EFR3A: variants seen among roughly 807,000 people sequenced by gnomAD.
EFR3A encodes the protein protein EFR3 homolog A.
EFR3A carries 76 observed loss-of-function variants against 104.4 expected under a neutral mutation model. The ratio of observed to expected loss-of-function variants is 0.73; its 90% confidence interval spans 0.60 to 0.88. The LOEUF (loss-of-function observed/expected upper bound fraction) is 0.88, where lower values mean the gene tolerates loss of function less well. Among genes scored for constraint, EFR3A ranks in the 40% least tolerant of loss-of-function variants. The pLI is 0.00. For missense variants in EFR3A, 985 were observed against 1,012.5 expected (o/e 0.97, Z 0.37); for synonymous variants, 330 against 330.0 (o/e 1.00, Z 0.00).
intron 6 of EFR3A, among the ~76,000 whole-genome samples, chr8:131,954,449 C>T (rs1342981889): frequency 6.6e-6 from 1 of 151,564 alleles, no homozygotes; most frequent in African/African-American, 2.4e-5. Flanking sequence ...TTGATTTGTC[C>T]TAAGATGTTT....
chr8:131,938,727 T>C (rs1818024176), intron 1 of EFR3A, among the ~76,000 whole-genome samples: 1 of 152,126 alleles, frequency 6.6e-6, no homozygotes, highest in Non-Finnish European at 1.5e-5. Flanking sequence ...TTGAGTTTAG[T>C]GTGGCAGTTA....
At chr8:131,986,106 T>C (rs1820863129) in intron 16 of EFR3A, 88 bp from the exon 17 acceptor site, 2 of 563,936 alleles carry the variant, frequency 3.5e-6, no homozygotes, top group South Asian at 6.8e-5. Flanking sequence ...TTAAAGTTGT[T>C]TTTTTTTAAG....
rs138864629 is a variant in EFR3A at position 131,980,427 on chromosome 8, G to A, written c.1575+1006G>A. Among the ~76,000 whole-genome samples, 1,341 of 152,022 alleles carry A rather than the reference G, an allele frequency of 8.8e-3. 11 individuals carry two copies. The highest frequency in any genetic ancestry group is 0.014 in the Middle Eastern group (4 of 292). ...TATCAAAAAACTGGTTAATAAATAG[G>A]ACAGATACATTAATTCCTCTCAATT... On this transcript the variant is annotated intron_variant, in intron 14 of 22. Coordinates refer to ENST00000254624, the MANE Select transcript of EFR3A (RefSeq NM_015137.6).
chr8:131,981,044 T>TAC lies in EFR3A; in HGVS notation c.1575+1630_1575+1631dup, dbSNP rs796768406. Among the ~76,000 whole-genome samples, 543 of 60,198 alleles carry TAC rather than the reference T, an allele frequency of 9.0e-3. 2 individuals carry two copies. Among genetic ancestry groups the TAC allele is most frequent in the Non-Finnish European group, 0.013 (401 of 29,774 alleles). The allele number at this position is 60,198 out of a possible 152,430, so 39.5% of individuals were successfully genotyped here. On this transcript the variant is annotated intron_variant, in intron 14 of 22. Coordinates refer to ENST00000254624, the MANE Select transcript of EFR3A (RefSeq NM_015137.6). ...TTTTATATATATATATATATATATA[T>TAC]ACACACACTACATTTTCTTTATCCA...
intron 14 of EFR3A, 38 bp from the exon 15 acceptor site, chr8:131,984,101 A>G: frequency 6.5e-7 from 1 of 1,548,394 alleles, no homozygotes; most frequent in Non-Finnish European, 8.7e-7. Flanking sequence ...TCTACATTTT[A>G]AGCAAAATTA....
At chr8:131,960,936 T>C (rs1819283284) in intron 8 of EFR3A, among the ~76,000 whole-genome samples, 1 of 152,164 alleles carries the variant, frequency 6.6e-6, no homozygotes, top group African/African-American at 2.4e-5. Flanking sequence ...CCGCTGCTGA[T>C]ACCCAGGCAA....
chr8:131,932,384 G>C (rs1344762432), intron 1 of EFR3A, among the ~76,000 whole-genome samples: 1 of 152,052 alleles, frequency 6.6e-6, no homozygotes, highest in Non-Finnish European at 1.5e-5. Flanking sequence ...AACAAAAGCA[G>C]TTTTCAAAAA....
intron 12 of EFR3A, among the ~76,000 whole-genome samples, chr8:131,977,391 C>T (rs1007976875): frequency 1.2e-4 from 19 of 152,202 alleles, no homozygotes; most frequent in South Asian, 4.1e-4. Flanking sequence ...ATAAGGTCCA[C>T]CAAAGTCACT....
chr8:131,940,555 A>T lies in EFR3A; in HGVS notation c.67A>T (p.Ile23Leu), dbSNP rs1481617198. 1 of 1,609,148 alleles carries T rather than the reference A, an allele frequency of 6.2e-7. No homozygotes were observed. Among genetic ancestry groups the T allele is most frequent in the Non-Finnish European group, 8.5e-7 (1 of 1,177,854 alleles). ...RPRYKRLVDN[I>L]FPEDPKDGLV... is the part of the protein sequence containing the mutation. ...TCGCTACAAACGCCTGGTGGACAACATATTCCCTGAAGATCCAAAAGTAAT... is the reference window on the plus strand; with the variant it reads ...TCGCTACAAACGCCTGGTGGACAACTTATTCCCTGAAGATCCAAAAGTAAT... Residue 23 changes from isoleucine (I) to leucine (L), a missense_variant, in exon 2 of 23, where the codon ATA (isoleucine) becomes TTA (leucine). Ile to Leu is a conservative substitution (Grantham distance 5, BLOSUM62 2). Transcript: ENST00000254624.
chr8:132,001,119 G>A (rs993618770), intron 19 of EFR3A: 7 of 152,108 alleles, frequency 4.6e-5, no homozygotes, highest in South Asian at 2.1e-4. Flanking sequence ...ATCATAAAGC[G>A]GTTGATTTCA....
intron 11 of EFR3A, 81 bp downstream of exon 11, chr8:131,976,222 G>A (rs1311182788): frequency 1.1e-6 from 1 of 913,852 alleles, no homozygotes; most frequent in African/African-American, 1.7e-5. Flanking sequence ...TTAACGTTTT[G>A]TTTTTTTTTA....
intron 7 of EFR3A, among the ~76,000 whole-genome samples, chr8:131,957,552 G>A (rs1487916953): frequency 6.6e-6 from 1 of 152,082 alleles, no homozygotes; most frequent in Non-Finnish European, 1.5e-5. Flanking sequence ...ATTTCGCCAT[G>A]TTGTTCAGGC....
intron 22 of EFR3A, among the ~76,000 whole-genome samples, chr8:132,006,036 A>T (rs998586498): frequency 6.6e-6 from 1 of 152,208 alleles, no homozygotes; most frequent in Non-Finnish European, 1.5e-5. Context: ...GACGAATTAG[A>T]AAACATTTTA....
At chr8:131,906,953 C>T (rs1816290616) in intron 1 of EFR3A, among the ~76,000 whole-genome samples, 1 of 152,022 alleles carries the variant, frequency 6.6e-6, no homozygotes, top group Admixed American at 6.6e-5. Context: ...TGAGTTGGAA[C>T]GACTGTTAAA....
At chr8:131,959,493 TCTCA>T (rs1819195488) in intron 7 of EFR3A, 88 bp from the exon 8 acceptor site, 1 of 944,160 alleles carries the variant, frequency 1.1e-6, no homozygotes. Context: ...TAGGTAATAT[TCTCA>T]CTATTAAGCT....
rs75431461 is a variant in EFR3A at position 132,008,922 on chromosome 8, T to G, written c.2361-1868T>G. 3.1e-3 allele frequency among the ~76,000 whole-genome samples: 464 copies of G among 151,312 alleles called. 6 individuals carry two copies. Among genetic ancestry groups the G allele is most frequent in the African/African-American group, 0.011 (454 of 41,318 alleles). On this transcript the variant is annotated intron_variant, in intron 22 of 22. Transcript: ENST00000254624. ...GGGCTGTGATTTACATGGGTGTGAT[T>G]TACATGAGTGTATACATTTGTCAAT...
intron 18 of EFR3A, among the ~76,000 whole-genome samples, chr8:131,993,638 G>C (rs909448527): frequency 2.0e-5 from 3 of 151,638 alleles, no homozygotes; most frequent in African/African-American, 7.3e-5. Flanking sequence ...GCTCACACCT[G>C]TAATCCTGGC....
chr8:132,010,931 G>A lies in EFR3A; in HGVS notation c.*36G>A, dbSNP rs1487337099. ...AAGACCTCAGGATATGATTTGTAAA[G>A]CCTAAAAATTAAGGCCAAGCTGAGC... On this transcript the variant is annotated 3_prime_UTR_variant, in exon 23 of 23. Coordinates refer to ENST00000254624, the MANE Select transcript of EFR3A (RefSeq NM_015137.6). 7.2e-6 allele frequency: 11 copies of A among 1,537,736 alleles called. No individual in the cohort carries two copies. Among genetic ancestry groups the A allele is most frequent in the Non-Finnish European group, 9.8e-6 (11 of 1,127,274 alleles).
chr8:131,953,797 CCT>C lies in EFR3A; in HGVS notation c.489-20_489-19del. The C allele has an allele frequency of 6.8e-7, 1 of 1,462,580 alleles. No homozygotes were observed. The highest frequency in any genetic ancestry group is 9.1e-7 in the Non-Finnish European group (1 of 1,103,510). 90.6% of individuals were successfully genotyped at this position (1,462,580 alleles called of 1,614,324 possible). A position where few individuals can be genotyped will look rare whatever the true frequency, so the allele number is the denominator to read the frequency against. On this transcript the variant is annotated intron_variant, in intron 5 of 22. Coordinates refer to ENST00000254624, the MANE Select transcript of EFR3A (RefSeq NM_015137.6). ...TAATTTTTTTATGGCTCATTTTCTT[CCT>C]TTTTTTTTTTTTTTATAGGATACGA... is the stretch of plus-strand genomic sequence containing the variant.
Sources: allele counts gnomAD v4.1 joint callset (sites outside exome capture counted in the v4.1 genomes callset), GRCh38; gene constraint gnomAD v4.1.1; transcripts MANE v1.5; gene names NCBI Gene and HGNC (gene_info 2026-07-23, HGNC 2026-07-21).